TRIOBP: variants seen among roughly 807,000 people sequenced by gnomAD.
TRIOBP encodes the protein TRIO and F-actin binding protein, also known as TRIO and F-actin-binding protein.
TRIOBP carries 169 observed loss-of-function variants against 238.8 expected under a neutral mutation model. The observed-to-expected ratio is 0.71, with a 90% CI of 0.62 to 0.80. The LOEUF is 0.80. Among genes scored for constraint, TRIOBP ranks in the 30% least tolerant of loss-of-function variants. The pLI, the probability that TRIOBP is intolerant of heterozygous loss-of-function variation, is 0.00. For synonymous variants in TRIOBP, 1,150 were observed against 1,274.4 expected (o/e 0.90, Z 2.08); for missense variants, 2,838 against 3,122.6 (o/e 0.91, Z 2.17).
chr22:37,765,834 G>GC lies in TRIOBP; in HGVS notation c.6472+17_6472+18insC, dbSNP rs778551400. On this transcript the variant is annotated intron_variant, in intron 18 of 23. Transcript: ENST00000644935. ...CGGCCTCAGGTATGGACCCTGGGGG[G>GC]GGCACAGTGGGCTGGGCTCTGAGCC... 28 of 1,584,480 alleles carry GC rather than the reference G, an allele frequency of 1.8e-5. No individual in the cohort carries two copies. Among genetic ancestry groups the GC allele is most frequent in the Middle Eastern group, 3.8e-4 (2 of 5,314 alleles).
rs753342921 is a variant in TRIOBP, at chr22:37,723,756, G to A, written c.1200G>A (p.Glu400=). 1.1e-5 allele frequency: 17 copies of A among 1,608,124 alleles called. No homozygotes were observed. The highest frequency in any genetic ancestry group is 6.6e-5 in the South Asian group (6 of 90,810). ...ASSPNRTTQR[E]NSRTSCAQRD... ...CTCCCAACAGAACCACTCAACGAGA[G>A]AATTCCAGAACATCCTGTGCCCAGC... Residue 400 remains glutamate, a synonymous_variant, in exon 7 of 24, where the codon GAG becomes GAA. Coordinates refer to ENST00000644935, the MANE Select transcript of TRIOBP (RefSeq NM_001039141.3).
At position 37,728,779 on chromosome 22, in the gene TRIOBP, C is replaced by A. The variant is rs963230486; in HGVS notation, c.3947+2276C>A. Among the ~76,000 whole-genome samples, 37 of 152,094 alleles carry A rather than the reference C, an allele frequency of 2.4e-4. 2 individuals are homozygous for A. Among genetic ancestry groups the A allele is most frequent in the Non-Finnish European group, 1.5e-5 (1 of 68,020 alleles). On this transcript the variant is annotated intron_variant, in intron 7 of 23. Coordinates refer to ENST00000644935, the MANE Select transcript of TRIOBP (RefSeq NM_001039141.3). ...TGATACATTTGTTACAATCCATGAA[C>A]CTACACTATGAAATCACCCAAAGTT...
At chr22:37,763,397 G>C (rs901865603) in intron 17 of TRIOBP, among the ~76,000 whole-genome samples, 1 of 152,168 alleles carries the variant, frequency 6.6e-6, no homozygotes, top group Non-Finnish European at 1.5e-5. Context: ...GACACATAGA[G>C]GGCAGGAACA....
At chr22:37,717,227 C>T (rs1923568279) in intron 6 of TRIOBP, among the ~76,000 whole-genome samples, 9 of 152,086 alleles carry the variant, frequency 5.9e-5, no homozygotes, top group Admixed American at 5.9e-4. Context: ...GGTTCATGGT[C>T]TGGATGGCTT....
intron 17 of TRIOBP, among the ~76,000 whole-genome samples, chr22:37,763,434 G>T (rs1237687550): frequency 6.6e-6 from 1 of 152,080 alleles, no homozygotes; most frequent in Non-Finnish European, 1.5e-5. Flanking sequence ...CACCCCTGTC[G>T]CCACATGAAG....
intron 5 of TRIOBP, 40 bp from the exon 6 acceptor site, chr22:37,715,723 T>G: frequency 6.2e-7 from 1 of 1,606,484 alleles, no homozygotes; most frequent in Non-Finnish European, 8.5e-7. Flanking sequence ...GCAGCCTTTT[T>G]TCTCCCGCAA....
At chr22:37,711,591 AACAAC>A (rs1923242813) in intron 4 of TRIOBP, among the ~76,000 whole-genome samples, 1 of 45,526 alleles carries the variant, frequency 2.2e-5, no homozygotes, top group African/African-American at 4.1e-5. Context: ...AAAAAAAAAA[AACAAC>A]AAAAAAAAAA....
chr22:37,716,248 A>G (rs1923513176), intron 6 of TRIOBP, among the ~76,000 whole-genome samples: 1 of 151,790 alleles, frequency 6.6e-6, no homozygotes, highest in Admixed American at 6.6e-5. Context: ...AGTAGCTAAG[A>G]TTACAGGCTC....
chr22:37,757,898 G>C lies in TRIOBP; in HGVS notation c.5973G>C (p.Glu1991Asp), dbSNP rs780426681. 6.4e-7 allele frequency: 1 copy of C among 1,553,464 alleles called. No individual in the cohort carries two copies. Among genetic ancestry groups the C allele is most frequent in the Admixed American group, 2.0e-5 (1 of 51,278 alleles). Residue 1991 changes from glutamate (E) to aspartate (D), a missense_variant, in exon 16 of 24, where the codon GAG becomes GAC. Physicochemically the swap from Glu to Asp is conservative, Grantham distance 45. This residue lies in a region of TRIOBP where 2,096 missense variants were observed against 2,137.4 expected (regional missense o/e 0.98). Coordinates refer to ENST00000644935, the MANE Select transcript of TRIOBP (RefSeq NM_001039141.3). Reference sequence around the variant, plus strand: ...CCGAGGAGCGGCGCAAGTGGTTTGAGGCCACAGACAGCAGGACCCCAGAGG... The same window carrying C: ...CCGAGGAGCGGCGCAAGTGGTTTGACGCCACAGACAGCAGGACCCCAGAGG... The part of the protein sequence containing the change: ...QRSEERRKWF[E>D]ATDSRTPEVP...
intron 17 of TRIOBP, chr22:37,759,895 C>A: frequency 8.9e-6 from 4 of 448,112 alleles, no homozygotes; most frequent in South Asian, 5.0e-5. Context: ...ATAAATTTTA[C>A]CAATAAAAAC....
At chr22:37,768,258 C>T in intron 19 of TRIOBP, 82 bp downstream of exon 19, 1 of 1,165,058 alleles carries the variant, frequency 8.6e-7, no homozygotes, top group Non-Finnish European at 1.3e-6. Flanking sequence ...GCAGCGGACA[C>T]ATCAGTTTGC....
intron 11 of TRIOBP, 68 bp downstream of exon 11, chr22:37,741,100 G>T: frequency 1.3e-6 from 2 of 1,533,686 alleles, no homozygotes; most frequent in Middle Eastern, 1.8e-4. Context: ...GGGAGGAGGG[G>T]GCTGTTAAGC....
rs141483111 is a variant in TRIOBP at position 37,772,891 on chromosome 22, G to A, written c.*2+127G>A. ...GCCTCCAATTCCCGTTCTGTAAAAA[G>A]GACAATGAAACCAGCAACACGGGGT... On this transcript the variant is annotated intron_variant, in intron 23 of 23. Coordinates refer to ENST00000644935, the MANE Select transcript of TRIOBP (RefSeq NM_001039141.3). 4,111 of 1,217,432 alleles carry A rather than the reference G, an allele frequency of 3.4e-3. 13 individuals carry two copies. Among genetic ancestry groups the A allele is most frequent in the Non-Finnish European group, 3.5e-3 (3,052 of 873,104 alleles). 75.4% of individuals were successfully genotyped at this position (1,217,432 alleles called of 1,614,324 possible). A position where few individuals can be genotyped will look rare whatever the true frequency, so the allele number is the denominator to read the frequency against.
intron 7 of TRIOBP, 181 bp downstream of exon 7, chr22:37,726,684 T>G: frequency 1.7e-6 from 1 of 595,586 alleles, no homozygotes; most frequent in East Asian, 3.4e-5. Flanking sequence ...TTTTCTGTTT[T>G]GTGTGTGTGT....
In TRIOBP at chr22:37,726,088, C is replaced by A; in HGVS notation, c.3532C>A (p.Pro1178Thr). The A allele has an allele frequency of 5.1e-6, 8 of 1,556,780 alleles. No individual in the cohort carries two copies. Among genetic ancestry groups the A allele is most frequent in the Non-Finnish European group, 7.0e-6 (8 of 1,146,052 alleles). Residue 1178 changes from proline (P) to threonine (T), a missense_variant, in exon 7 of 24, where the codon CCA (proline) becomes ACA (threonine). Around this residue, in one of 5 missense-constraint regions of TRIOBP, gnomAD observed 2,096 missense variants for 2,137.4 expected, o/e 0.98. Transcript: ENST00000644935. ...GGATGCACCCTCCTTCTCATCCCCA[C>A]CACGCCAGGCTCCTGAGCCATCCCT... The part of the protein sequence containing the change: ...HRDAPSFSSP[P>T]RQAPEPSLFF...
chr22:37,750,888 C>T (rs138871809), intron 11 of TRIOBP: 6 of 388,922 alleles, frequency 1.5e-5, no homozygotes, highest in African/African-American at 1.0e-4. Flanking sequence ...GACACCTTGG[C>T]CTGGTGAGGC....
In TRIOBP at chr22:37,776,464, C is replaced by T. The variant is rs926223608; in HGVS notation, c.*2684C>T. 1.3e-5 allele frequency: 2 copies of T among 152,136 alleles called. No homozygotes were observed. The allele number at this position is 152,136 out of a possible 1,614,324, so 9.4% of individuals were successfully genotyped here. The stretch of plus-strand genomic sequence containing the variant: ...TCCAGGAGAAATGAGTCCTTACATG[C>T]ACAAAAGGATGAGTACCGTAATACT... On this transcript the variant is annotated 3_prime_UTR_variant, in exon 24 of 24. Transcript: ENST00000644935.
rs367864307 is a variant in TRIOBP, at chr22:37,751,616, CT to C, written c.5323-154del. Reference sequence around the variant, plus strand: ...TCAGTGGCTGGGAGGCCTGCTTGGACTTGGGGGTTACCTAGGGCCTTAGCCC... The same window carrying C: ...TCAGTGGCTGGGAGGCCTGCTTGGACTGGGGGTTACCTAGGGCCTTAGCCC... On this transcript the variant is annotated intron_variant, in intron 11 of 23. Coordinates refer to ENST00000644935, the MANE Select transcript of TRIOBP (RefSeq NM_001039141.3). 1.4e-3 allele frequency: 1,082 copies of C among 761,842 alleles called. 13 individuals are homozygous for C. The African/African-American group carries it at 0.016, about 12-fold the overall frequency. The allele number at this position is 761,842 out of a possible 1,614,324, so 47.2% of individuals were successfully genotyped here. A position where few individuals can be genotyped will look rare whatever the true frequency, so the allele number is the denominator to read the frequency against.
At chr22:37,755,714 G>T in intron 15 of TRIOBP, 55 bp downstream of exon 15, 1 of 1,529,990 alleles carries the variant, frequency 6.5e-7, no homozygotes, top group South Asian at 1.1e-5. Flanking sequence ...TTGCGTCCCC[G>T]AGTGGGTTTC....
Sources: allele counts gnomAD v4.1 joint callset (sites outside exome capture counted in the v4.1 genomes callset), GRCh38; gene constraint gnomAD v4.1.1; regional missense constraint gnomAD v4.1.1; transcripts MANE v1.5; gene names NCBI Gene and HGNC (gene_info 2026-07-23, HGNC 2026-07-21).